The following RFX3 variants were observed in gnomAD, a reference collection of about 807,000 sequenced individuals.
The protein encoded by RFX3 is transcription factor RFX3.
Under a neutral mutation model 98.6 loss-of-function variants are expected in RFX3, and 14 were observed. The ratio of observed to expected loss-of-function variants is 0.14; its 90% CI spans 0.09 to 0.22. The LOEUF is 0.22. Ranked by LOEUF, RFX3 falls within the 10% of genes least tolerant of loss-of-function variation. RFX3 has a pLI of 1.00. For synonymous variants in RFX3, 383 were observed against 328.4 expected (o/e 1.17, Z -1.80); for missense variants, 639 against 926.9 (o/e 0.69, Z 4.03).
rs1249442775 is a variant in RFX3, at chr9:3,222,199, C to G, written c.*2843G>C. The G allele has an allele frequency of 6.6e-6, 1 of 152,152 alleles. No homozygotes were observed. Among genetic ancestry groups the G allele is most frequent in the African/African-American group, 2.4e-5 (1 of 41,450 alleles). 9.4% of individuals were successfully genotyped at this position (152,152 alleles called of 1,614,324 possible). On this transcript the variant is annotated 3_prime_UTR_variant, in exon 17 of 17. Coordinates refer to ENST00000617270, the MANE Select transcript of RFX3 (RefSeq NM_001282116.2). ...ATGTTTTACTGTGAACTACAAATAA[C>G]TAGAAGTAGCATAAACCATAGGTCT... is the stretch of plus-strand genomic sequence containing the variant.
intron 2 of RFX3, among the ~76,000 whole-genome samples, chr9:3,355,463 G>C (rs1835636417): frequency 6.6e-6 from 1 of 151,764 alleles, no homozygotes; most frequent in African/African-American, 2.4e-5. Context: ...CAGAGAAAAA[G>C]AGAAATATTT....
intron 15 of RFX3, among the ~76,000 whole-genome samples, chr9:3,231,928 G>T (rs1386584123): frequency 6.6e-6 from 1 of 152,106 alleles, no homozygotes; most frequent in Non-Finnish European, 1.5e-5. Context: ...GCTGGGCATG[G>T]TGGCGGAGGC....
intron 1 of RFX3, among the ~76,000 whole-genome samples, chr9:3,427,150 T>C (rs1010469609): frequency 4.7e-5 from 7 of 149,570 alleles, no homozygotes; most frequent in Admixed American, 1.3e-4. Flanking sequence ...ATTTTGACTA[T>C]TGGTCATACT....
intron 1 of RFX3, chr9:3,469,092 C>G: frequency 2.5e-6 from 1 of 399,686 alleles, no homozygotes; most frequent in South Asian, 1.9e-5. Context: ...AAAGCCCAGA[C>G]TATTGGTTAC....
intron 15 of RFX3, among the ~76,000 whole-genome samples, chr9:3,245,090 C>T (rs991359694): frequency 3.3e-5 from 5 of 152,198 alleles, no homozygotes; most frequent in African/African-American, 1.2e-4. Context: ...CCAGGTATTA[C>T]ATCTTTGACT....
intron 8 of RFX3, among the ~76,000 whole-genome samples, chr9:3,276,794 TG>T (rs1405690439): frequency 6.6e-6 from 1 of 152,108 alleles, no homozygotes; most frequent in African/African-American, 2.4e-5. Context: ...GCCACTTTTT[TG>T]CCCCTTTGGC....
At chr9:3,407,494 G>C (rs923586963) in intron 1 of RFX3, among the ~76,000 whole-genome samples, 4 of 151,964 alleles carry the variant, frequency 2.6e-5, no homozygotes, top group Middle Eastern at 3.2e-3. Context: ...CATATAACTA[G>C]AAATAGGCAG....
chr9:3,504,876 AT>A (rs1564185332), intron 1 of RFX3, among the ~76,000 whole-genome samples: 1 of 69,580 alleles, frequency 1.4e-5, no homozygotes, highest in Non-Finnish European at 2.1e-5. Context: ...TATATTATAT[AT>A]ATTATATATA....
Position 3,301,636 on chromosome 9 carries a change from A to G in RFX3, c.475-16T>C. 1.3e-6 allele frequency: 2 copies of G among 1,577,704 alleles called. No individual in the cohort carries two copies. Among genetic ancestry groups the G allele is most frequent in the Non-Finnish European group, 1.7e-6 (2 of 1,151,800 alleles). On this transcript the variant is annotated splice_polypyrimidine_tract_variant and intron_variant, in intron 4 of 16. Transcript: ENST00000617270. Reference sequence around the variant, plus strand: ...CCATTTCAATCTGATAATAGATGTCATTAAAAAAAGGGCTCAAGACAAGAT... The same window carrying G: ...CCATTTCAATCTGATAATAGATGTCGTTAAAAAAAGGGCTCAAGACAAGAT...
intron 1 of RFX3, among the ~76,000 whole-genome samples, chr9:3,460,982 T>C (rs1337252270): frequency 2.6e-5 from 4 of 151,792 alleles, no homozygotes; most frequent in African/African-American, 9.7e-5. Context: ...TCTTATAAGA[T>C]GACAGGTTAT....
chr9:3,295,182 CTACAACAGGGGGACA>C (rs1157174113), intron 5 of RFX3, among the ~76,000 whole-genome samples: 2 of 150,932 alleles, frequency 1.3e-5, no homozygotes. Flanking sequence ...AGTATTTTGC[CTACAACAGGGGGACA>C]GCATGTCTCT....
chr9:3,282,722 C>G (rs1329107368), intron 7 of RFX3, among the ~76,000 whole-genome samples: 5 of 151,756 alleles, frequency 3.3e-5, no homozygotes, highest in African/African-American at 1.2e-4. Context: ...CTTCTTTTAT[C>G]TCTTACCCTT....
At chr9:3,370,354 C>A (rs943075241) in intron 2 of RFX3, among the ~76,000 whole-genome samples, 4 of 151,526 alleles carry the variant, frequency 2.6e-5, no homozygotes, top group Non-Finnish European at 5.9e-5. Context: ...TTTATGATTC[C>A]TTTTTCCAAC....
At chr9:3,359,771 G>A (rs1223098085) in intron 2 of RFX3, among the ~76,000 whole-genome samples, 1 of 151,996 alleles carries the variant, frequency 6.6e-6, no homozygotes, top group African/African-American at 2.4e-5. Context: ...TTTTTTCAAA[G>A]TGAACTGATA....
At chr9:3,506,218 T>TA (rs1395166341) in intron 1 of RFX3, among the ~76,000 whole-genome samples, 50 of 148,260 alleles carry the variant, frequency 3.4e-4, no homozygotes, top group African/African-American at 5.0e-4. Context: ...TTTTTTTTTT[T>TA]AAAAAAAAAG....
intron 1 of RFX3, among the ~76,000 whole-genome samples, chr9:3,412,531 C>G (rs1842547309): frequency 6.6e-6 from 1 of 151,916 alleles, no homozygotes. Context: ...TGAGAGGGCT[C>G]TAAACAAAAA....
intron 1 of RFX3, among the ~76,000 whole-genome samples, chr9:3,428,351 T>C (rs945348386): frequency 2.0e-5 from 3 of 152,336 alleles, no homozygotes; most frequent in Middle Eastern, 3.4e-3. Context: ...ATAATTTTGA[T>C]AGAATATCTC....
chr9:3,277,889 A>G (rs58010475), intron 7 of RFX3, among the ~76,000 whole-genome samples: 16,099 of 151,888 alleles, frequency 0.11, 877 homozygotes, highest in Middle Eastern at 0.2. Flanking sequence ...ATTAGTTAAT[A>G]TCTCTAAAAC....
chr9:3,374,470 C>T (rs1838225814), intron 2 of RFX3, among the ~76,000 whole-genome samples: 1 of 151,938 alleles, frequency 6.6e-6, no homozygotes, highest in South Asian at 2.1e-4. Flanking sequence ...CCCAAGTATC[C>T]AAGGGAAGAT....
Sources: allele counts gnomAD v4.1 joint callset (sites outside exome capture counted in the v4.1 genomes callset), GRCh38; gene constraint gnomAD v4.1.1; transcripts MANE v1.5; gene names NCBI Gene and HGNC (gene_info 2026-07-23, HGNC 2026-07-21).